The following GNAL variants were observed in gnomAD, a reference collection of about 807,000 sequenced individuals.
GNAL encodes the protein guanine nucleotide-binding protein G(olf) subunit alpha.
In GNAL, 18 loss-of-function variants were observed where a neutral mutation model predicts 55.1. That is an observed-to-expected ratio of 0.33 (90% CI 0.23 to 0.48). GNAL has a LOEUF of 0.48. GNAL is among the 20% of genes least tolerant of loss of function. The pLI is 0.99. For missense variants in GNAL, 412 were observed against 614.1 expected, an observed-to-expected ratio of 0.67 and a Z score of 3.48; for synonymous variants, 253 against 237.0, an observed-to-expected ratio of 1.07 and a Z score of -0.62.
intron 4 of GNAL, among the ~76,000 whole-genome samples, chr18:11,788,928 T>TATATATATATATAC (rs1568027666): frequency 2.6e-5 from 3 of 114,932 alleles, no homozygotes; most frequent in African/African-American, 3.4e-5. Context: ...TATATATATA[T>TATATATATATATAC]ATATATATAC....
chr18:11,826,254 G>A (rs966307402), intron 5 of GNAL, among the ~76,000 whole-genome samples: 4 of 139,424 alleles, frequency 2.9e-5, no homozygotes, highest in South Asian at 2.4e-4. Flanking sequence ...GAGGAGGAGC[G>A]GGGAGGGGGA....
At chr18:11,705,551 T>C (rs1375536902) in intron 1 of GNAL, among the ~76,000 whole-genome samples, 1 of 152,170 alleles carries the variant, frequency 6.6e-6, no homozygotes, top group East Asian at 1.9e-4. Flanking sequence ...CCATAGCAGC[T>C]GTACCATTTT....
At chr18:11,755,359 C>T (rs1207065625) in intron 4 of GNAL, among the ~76,000 whole-genome samples, 10 of 152,074 alleles carry the variant, frequency 6.6e-5, no homozygotes, top group Non-Finnish European at 4.4e-5. Context: ...CTGAAAGCTC[C>T]GCCTCCCGGG....
At chr18:11,847,187 A>G (rs1400591840) in intron 5 of GNAL, among the ~76,000 whole-genome samples, 1 of 152,060 alleles carries the variant, frequency 6.6e-6, no homozygotes, top group Non-Finnish European at 1.5e-5. Context: ...AGTACCAGGT[A>G]TAGGTAGTCA....
Position 11,752,755 on chromosome 18 carries a change from CCGT to C in GNAL, c.377-97_377-95del, listed in dbSNP as rs1216863266. Reference sequence around the variant, plus strand: ...CCAGGAACCCGCGTGTAGGAAATCCCCGTGCTGGGGGAGGAGGATTGCTCAGAC... The same window carrying C: ...CCAGGAACCCGCGTGTAGGAAATCCCGCTGGGGGAGGAGGATTGCTCAGAC... On this transcript the variant is annotated intron_variant, in intron 1 of 11. Coordinates refer to ENST00000334049, the MANE Select transcript of GNAL (RefSeq NM_182978.4). The surrounding 1 kb of genome is among the most constrained non-coding windows in gnomAD (Gnocchi z 4.5). 2 of 1,156,416 alleles carry C rather than the reference CCGT, an allele frequency of 1.7e-6. No individual in the cohort carries two copies. The highest frequency in any genetic ancestry group is 3.6e-5 in the Admixed American group (2 of 54,998). 71.6% of individuals were successfully genotyped at this position (1,156,416 alleles called of 1,614,324 possible). A position where few individuals can be genotyped will look rare whatever the true frequency, so the allele number is the denominator to read the frequency against.
intron 4 of GNAL, among the ~76,000 whole-genome samples, chr18:11,770,932 T>C (rs1825519208): frequency 6.6e-6 from 1 of 152,120 alleles, no homozygotes; most frequent in Admixed American, 6.6e-5. Context: ...AATATTATCA[T>C]GGCCAGGTGC....
chr18:11,841,805 A>G (rs867518487), intron 5 of GNAL, among the ~76,000 whole-genome samples: 18 of 152,178 alleles, frequency 1.2e-4, no homozygotes, highest in Admixed American at 2.6e-4. Context: ...GCTTTATGGA[A>G]TGTTACAAAT....
rs980821479 is a variant in GNAL, at chr18:11,752,663, C to G, written c.377-190C>G. On this transcript the variant is annotated intron_variant, in intron 1 of 11. Transcript: ENST00000334049. The surrounding 1 kb of genome is among the most constrained non-coding windows in gnomAD (Gnocchi z 4.5). Reference sequence around the variant, plus strand: ...CGAGCGCCAGGCTGGGCGGGCAGGGCCGGGCGAGGGTCGCGCGCACCTCTG... The same window carrying G: ...CGAGCGCCAGGCTGGGCGGGCAGGGGCGGGCGAGGGTCGCGCGCACCTCTG... The G allele has an allele frequency of 3.4e-5, 46 of 1,344,768 alleles. No individual in the cohort carries two copies. Among genetic ancestry groups the G allele is most frequent in the Non-Finnish European group, 4.2e-5 (43 of 1,033,466 alleles). 83.3% of individuals were successfully genotyped at this position (1,344,768 alleles called of 1,614,324 possible).
intron 4 of GNAL, among the ~76,000 whole-genome samples, chr18:11,799,351 A>G (rs1378345439): frequency 6.6e-6 from 1 of 152,204 alleles, no homozygotes; most frequent in African/African-American, 2.4e-5. Context: ...AACGCCTTCC[A>G]TGATATCTGT....
rs796735314 is a variant in GNAL, at chr18:11,852,270, T to A, written c.723-10125T>A. 1.4e-5 allele frequency: 12 copies of A among 847,540 alleles called. No individual in the cohort carries two copies. In the African/African-American group the frequency reaches 1.9e-4, roughly 13 times the overall value. 52.5% of individuals were successfully genotyped at this position (847,540 alleles called of 1,614,324 possible). The stretch of plus-strand genomic sequence containing the variant: ...AGCCCCCTCCACATAAATTAAGAAA[T>A]TCAGTATTTCTGCACTCTTAGCTGG... On this transcript the variant is annotated intron_variant, in intron 5 of 11. Coordinates refer to ENST00000334049, the MANE Select transcript of GNAL (RefSeq NM_182978.4).
At chr18:11,801,659 T>G (rs1305394311) in intron 4 of GNAL, among the ~76,000 whole-genome samples, 3 of 151,828 alleles carry the variant, frequency 2.0e-5, no homozygotes, top group African/African-American at 7.3e-5. Context: ...GGGTGAGAGG[T>G]GCGGATGGTT....
At chr18:11,804,021 C>T (rs868268933) in intron 4 of GNAL, among the ~76,000 whole-genome samples, 398 of 147,388 alleles carry the variant, frequency 2.7e-3, no homozygotes, top group Middle Eastern at 0.011. Context: ...GAGTGGAACA[C>T]GGAGATACTG....
intron 1 of GNAL, among the ~76,000 whole-genome samples, chr18:11,690,830 G>A (rs539064177): frequency 1.1e-4 from 17 of 151,754 alleles, no homozygotes; most frequent in Non-Finnish European, 2.1e-4. Context: ...TGGTGTATAT[G>A]TGCCACATTT....
At chr18:11,741,068 T>C (rs1343912135) in intron 1 of GNAL, among the ~76,000 whole-genome samples, 3 of 152,258 alleles carry the variant, frequency 2.0e-5, no homozygotes, top group Non-Finnish European at 4.4e-5. Flanking sequence ...AGAAACCAGT[T>C]GCTAAGGCAA....
intron 4 of GNAL, among the ~76,000 whole-genome samples, chr18:11,793,560 C>A (rs2034293116): frequency 6.6e-6 from 1 of 151,624 alleles, no homozygotes; most frequent in South Asian, 2.1e-4. Flanking sequence ...GCAGCCTGAA[C>A]AATAGAGCAA....
intron 1 of GNAL, among the ~76,000 whole-genome samples, chr18:11,703,095 G>A (rs1452763941): frequency 6.6e-6 from 1 of 152,166 alleles, no homozygotes; most frequent in Non-Finnish European, 1.5e-5. Context: ...TCCAGCCTGG[G>A]CGACAGAGCA....
intron 9 of GNAL, among the ~76,000 whole-genome samples, chr18:11,870,145 A>C (rs1197372018): frequency 6.6e-6 from 1 of 152,198 alleles, no homozygotes; most frequent in East Asian, 1.9e-4. Flanking sequence ...GGAGTCCTAG[A>C]CCAATCCCCC....
At chr18:11,693,037 G>A (rs915855547) in intron 1 of GNAL, among the ~76,000 whole-genome samples, 1 of 148,364 alleles carries the variant, frequency 6.7e-6, no homozygotes, top group Non-Finnish European at 1.5e-5. Flanking sequence ...TTTTTTAAAG[G>A]GGGGAGAGTT....
chr18:11,695,976 T>G (rs1009562640), intron 1 of GNAL, among the ~76,000 whole-genome samples: 15 of 152,044 alleles, frequency 9.9e-5, no homozygotes, highest in Non-Finnish European at 2.2e-4. Flanking sequence ...AGAAGGAATG[T>G]TCTCCACTCT....
Sources: allele counts gnomAD v4.1 joint callset (sites outside exome capture counted in the v4.1 genomes callset), GRCh38; gene constraint gnomAD v4.1.1; non-coding constraint Gnocchi (gnomAD v3.1); transcripts MANE v1.5; gene names NCBI Gene and HGNC (gene_info 2026-07-23, HGNC 2026-07-21).